FAT3: variants seen among roughly 807,000 people sequenced by gnomAD.
FAT3 encodes the protein protocadherin Fat 3.
A neutral mutation model predicts 310.2 loss-of-function variants in FAT3; 95 were observed. The observed-to-expected ratio is 0.31, with a 90% confidence interval of 0.26 to 0.36. The LOEUF (loss-of-function observed/expected upper bound fraction) is 0.36. Ranked by LOEUF, FAT3 falls within the 10% of genes least tolerant of loss-of-function variation. FAT3 has a pLI of 1.00. For missense variants in FAT3, 5,408 were observed against 5,715.6 expected (o/e 0.95, Z 1.74); for synonymous variants, 2,314 against 2,192.9 (o/e 1.06, Z -1.54).
In FAT3 at chr11:92,831,773, T is replaced by G; in HGVS notation, c.9633T>G (p.Ser3211Arg). 2 of 1,613,418 alleles carry G rather than the reference T, an allele frequency of 1.2e-6. No homozygotes were observed. Among genetic ancestry groups the G allele is most frequent in the Non-Finnish European group, 1.7e-6 (2 of 1,179,740 alleles). The change falls in exon 14 of 28, where the codon AGT (serine) becomes AGG (arginine). Residue 3211 changes from serine to arginine, a missense_variant. Transcript: ENST00000525166. ...YNISVRATDQ[S>R]PGQSLSSLTT... ...TCAGCGTGCGGGCCACTGACCAGAG[T>G]CCTGGACAGTCCCTGTCCTCTCTCA...
intron 2 of FAT3, among the ~76,000 whole-genome samples, chr11:92,416,342 C>T (rs1274569483): frequency 1.3e-5 from 2 of 150,276 alleles, no homozygotes; most frequent in Admixed American, 6.6e-5. Context: ...CGAGATCGCT[C>T]CATTGCACTC....
intron 7 of FAT3, among the ~76,000 whole-genome samples, chr11:92,785,960 A>G (rs2096240383): frequency 1.3e-5 from 2 of 152,176 alleles, no homozygotes; most frequent in South Asian, 4.1e-4. Flanking sequence ...ACATGTTGGT[A>G]CTGATACATG....
intron 1 of FAT3, among the ~76,000 whole-genome samples, chr11:92,254,215 A>C (rs946744979): frequency 2.0e-5 from 3 of 152,142 alleles, no homozygotes; most frequent in Admixed American, 2.0e-4. Context: ...TCATCTATTG[A>C]AATTGTACAC....
At chr11:92,570,187 C>T (rs932533371) in intron 3 of FAT3, among the ~76,000 whole-genome samples, 1 of 152,192 alleles carries the variant, frequency 6.6e-6, no homozygotes, top group African/African-American at 2.4e-5. Context: ...TGAATTCACT[C>T]CTGAGCCTCA....
chr11:92,677,654 C>T (rs1328939257), intron 3 of FAT3, among the ~76,000 whole-genome samples: 2 of 152,194 alleles, frequency 1.3e-5, no homozygotes, highest in East Asian at 3.9e-4. Context: ...TTTGCTGTCT[C>T]ATCCCATGGA....
chr11:92,640,749 G>A (rs1166184964), intron 3 of FAT3, among the ~76,000 whole-genome samples: 1 of 152,122 alleles, frequency 6.6e-6, no homozygotes, highest in African/African-American at 2.4e-5. Context: ...TGAGTAAAAG[G>A]TAGCCCTGTA....
chr11:92,768,946 A>G (rs570385662), intron 6 of FAT3, among the ~76,000 whole-genome samples: 1 of 152,310 alleles, frequency 6.6e-6, no homozygotes, highest in Admixed American at 6.5e-5. Flanking sequence ...TGCTATAACT[A>G]ATAAATTCTC....
intron 3 of FAT3, among the ~76,000 whole-genome samples, chr11:92,535,780 T>A (rs1212377888): frequency 6.6e-6 from 1 of 151,324 alleles, no homozygotes; most frequent in Non-Finnish European, 1.5e-5. Context: ...ATTTCAAGAC[T>A]TCTGAAAGAT....
At chr11:92,753,416 C>T (rs1317244583) in intron 4 of FAT3, among the ~76,000 whole-genome samples, 1 of 152,132 alleles carries the variant, frequency 6.6e-6, no homozygotes, top group African/African-American at 2.4e-5. Context: ...TGTTACACAA[C>T]AATAGGTTGC....
At chr11:92,324,710 T>C (rs1316915999) in intron 1 of FAT3, among the ~76,000 whole-genome samples, 1 of 152,230 alleles carries the variant, frequency 6.6e-6, no homozygotes, top group Non-Finnish European at 1.5e-5. Flanking sequence ...CCGATAGACT[T>C]GCTCAAAGCA....
chr11:92,837,842 TG>T, intron 17 of FAT3, 36 bp downstream of exon 17: 1 of 1,613,240 alleles, frequency 6.2e-7, no homozygotes, highest in Non-Finnish European at 8.5e-7. Context: ...CTTGTCCCTT[TG>T]CATTCAGCTT....
Position 92,801,483 on chromosome 11 carries a change from A to G in FAT3, c.8470A>G (p.Met2824Val), listed in dbSNP as rs1947352102. The change falls in exon 10 of 28, where the codon ATG becomes GTG. Residue 2824 changes from methionine to valine, a missense_variant. Met to Val is a conservative substitution (Grantham distance 21). Around this residue, in one of 5 missense-constraint regions of FAT3, gnomAD observed 4,588 missense variants for 4,809.8 expected, o/e 0.95. Transcript: ENST00000525166. ...FETSSYDTII[M>V]EGMPVGTKLT... ...AACTTCAAGCTATGACACCATTATA[A>G]TGGAAGGGATGCCTGTTGGCACCAA... 1.2e-6 allele frequency: 2 copies of G among 1,613,190 alleles called. No homozygotes were observed. Among genetic ancestry groups the G allele is most frequent in the African/African-American group, 1.3e-5 (1 of 74,952 alleles).
chr11:92,522,165 C>G (rs1352685006), intron 2 of FAT3, among the ~76,000 whole-genome samples: 1 of 152,152 alleles, frequency 6.6e-6, no homozygotes, highest in African/African-American at 2.4e-5. Context: ...CAGCTCACAC[C>G]TTTCTACTCT....
chr11:92,258,890 C>G (rs1865423272), intron 1 of FAT3, among the ~76,000 whole-genome samples: 1 of 151,814 alleles, frequency 6.6e-6, no homozygotes, highest in Admixed American at 6.6e-5. Context: ...AGAGCCAACA[C>G]TTTAACCACT....
At chr11:92,250,452 C>T (rs1002147122) in intron 1 of FAT3, among the ~76,000 whole-genome samples, 1 of 152,086 alleles carries the variant, frequency 6.6e-6, no homozygotes, top group African/African-American at 2.4e-5. Flanking sequence ...TAATGCCCAG[C>T]GTCCTCTTAA....
chr11:92,307,611 T>A (rs938695086), intron 1 of FAT3, among the ~76,000 whole-genome samples: 1 of 152,164 alleles, frequency 6.6e-6, no homozygotes, highest in Non-Finnish European at 1.5e-5. Flanking sequence ...TTCATCCCGC[T>A]TCATTGTATC....
chr11:92,430,619 C>T (rs1237147868), intron 2 of FAT3, among the ~76,000 whole-genome samples: 1 of 152,032 alleles, frequency 6.6e-6, no homozygotes. Flanking sequence ...ATTAACTCAT[C>T]ATTTAACATC....
chr11:92,753,798 G>GTGTGTGTGTATATATATATATA, intron 4 of FAT3, among the ~76,000 whole-genome samples: 1 of 119,114 alleles, frequency 8.4e-6, no homozygotes, highest in East Asian at 2.3e-4. Flanking sequence ...GTGTGTGTGT[G>GTGTGTGTGTATATATATATATA]TATATATATA....
In FAT3 at chr11:92,889,211, G is replaced by A. The variant is rs182172740; in HGVS notation, c.13074G>A (p.Gln4358=). 3.1e-4 allele frequency: 221 copies of A among 713,750 alleles called. 2 individuals are homozygous for A. The African/African-American group carries it at 3.6e-3, about 12-fold the overall frequency. The allele number at this position is 713,750 out of a possible 1,614,324, so 44.2% of individuals were successfully genotyped here. A position where few individuals can be genotyped will look rare whatever the true frequency, so the allele number is the denominator to read the frequency against. The change falls in exon 26 of 28, where the codon CAG becomes CAA. Residue 4358 remains glutamine (Q), a synonymous_variant. Transcript: ENST00000525166. ...DDNASIVTVI[Q]LVNNVVDTIE... ...AAGCCTCCATAGTGACTGTCATTCAGCTTGTCAACAATGTAGTTGACACTA... is the reference window on the plus strand; with the variant it reads ...AAGCCTCCATAGTGACTGTCATTCAACTTGTCAACAATGTAGTTGACACTA...
Sources: gnomAD v4.1 joint callset for allele counts (sites outside exome capture counted in the v4.1 genomes callset) on GRCh38, gnomAD v4.1.1 for gene constraint, gnomAD v4.1.1 regional missense constraint, MANE v1.5 for transcripts, NCBI Gene and HGNC (gene_info 2026-07-23, HGNC 2026-07-21) for gene names.